The following DENND2B variants were observed in gnomAD, a reference collection of about 807,000 sequenced individuals.
DENND2B encodes DENN domain containing 2B, also known as DENN domain-containing protein 2B.
Under a neutral mutation model 116.0 loss-of-function variants are expected in DENND2B, and 32 were observed. The observed-to-expected ratio is 0.28, with a 90% CI of 0.21 to 0.37. The LOEUF (loss-of-function observed/expected upper bound fraction) is 0.37. Ranked by LOEUF, DENND2B falls within the 10% of genes least tolerant of loss-of-function variation. The pLI, the probability that DENND2B is intolerant of heterozygous loss-of-function variation, is 1.00. For synonymous variants in DENND2B, 588 were observed against 583.9 expected, an observed-to-expected ratio of 1.01 and a Z score of -0.10; for missense variants, 1,276 against 1,477.7, an observed-to-expected ratio of 0.86 and a Z score of 2.24.
At chr11:8,827,132 G>C (rs781298956) in intron 4 of DENND2B, among the ~76,000 whole-genome samples, 8 of 152,232 alleles carry the variant, frequency 5.3e-5, no homozygotes, top group African/African-American at 1.9e-4. Flanking sequence ...GAATTTGCAG[G>C]AAAGAAAGAA....
In DENND2B at chr11:8,712,665, C is replaced by T. The variant is rs1565681451; in HGVS notation, c.2058G>A (p.Leu686=). 6.2e-7 allele frequency: 1 copy of T among 1,606,702 alleles called. No homozygotes were observed. The highest frequency in any genetic ancestry group is 1.7e-4 in the Middle Eastern group (1 of 6,052). The change falls in exon 9 of 20, where the codon CTG becomes CTA. Residue 686 remains leucine (L), a synonymous_variant. Transcript: ENST00000313726. This position sits in a 1 kb window ranked among gnomAD's most constrained non-coding sequence, Gnocchi z 4.4. ...CCCGCTCCTGCCACTCCAGCAGCTC[C>T]AGCTCCAGCGTGCGATAGCTGGGGG... is the stretch of plus-strand genomic sequence containing the variant. ...KRAPSYRTLE[L]ELLEWQEREL...
chr11:8,847,065 C>G (rs1046798356), intron 3 of DENND2B, among the ~76,000 whole-genome samples: 2 of 152,198 alleles, frequency 1.3e-5, no homozygotes, highest in African/African-American at 4.8e-5. Context: ...ATTCTTGGGT[C>G]TTTCATAGTC....
At chr11:8,727,594 C>G (rs1298392417) in intron 3 of DENND2B, among the ~76,000 whole-genome samples, 1 of 152,214 alleles carries the variant, frequency 6.6e-6, no homozygotes, top group African/African-American at 2.4e-5. Flanking sequence ...TGGGCCATTG[C>G]CATATCTACC....
chr11:8,747,461 G>C (rs2051469710), intron 2 of DENND2B, among the ~76,000 whole-genome samples: 1 of 152,178 alleles, frequency 6.6e-6, no homozygotes, highest in African/African-American at 2.4e-5. Context: ...TATCTACACA[G>C]CTGAATTAGC....
intron 2 of DENND2B, among the ~76,000 whole-genome samples, chr11:8,740,195 TAAAAAA>T: frequency 9.4e-6 from 1 of 106,780 alleles, no homozygotes; most frequent in East Asian, 2.5e-4. Flanking sequence ...TCTCAAAAAT[TAAAAAA>T]AAAAAAAAAA....
At chr11:8,718,003 C>A in intron 4 of DENND2B, 111 bp from the exon 5 acceptor site, 1 of 1,276,384 alleles carries the variant, frequency 7.8e-7, no homozygotes, top group South Asian at 1.3e-5. Context: ...AGAATGGCTT[C>A]TGCCTGGCCC....
At chr11:8,856,240 A>G (rs1417044609) in intron 3 of DENND2B, among the ~76,000 whole-genome samples, 1 of 152,250 alleles carries the variant, frequency 6.6e-6, no homozygotes, top group African/African-American at 2.4e-5. Context: ...GTGCTCCTCA[A>G]TAAATATCCA....
At chr11:8,740,833 C>T (rs1018417854) in intron 2 of DENND2B, among the ~76,000 whole-genome samples, 1 of 152,216 alleles carries the variant, frequency 6.6e-6, no homozygotes, top group Non-Finnish European at 1.5e-5. Context: ...TCAGTGACTG[C>T]CCCAATTCTG....
intron 1 of DENND2B, among the ~76,000 whole-genome samples, chr11:8,777,080 T>G (rs182560289): frequency 2.6e-5 from 4 of 152,318 alleles, no homozygotes; most frequent in Admixed American, 2.6e-4. Context: ...ACCTTCTAAA[T>G]TATAAGAATA....
chr11:8,869,319 C>T (rs994587000), intron 2 of DENND2B, among the ~76,000 whole-genome samples: 2 of 152,220 alleles, frequency 1.3e-5, no homozygotes, highest in African/African-American at 4.8e-5. Flanking sequence ...CATACATACA[C>T]TTGAACAATT....
chr11:8,708,506 T>G (rs1015738533), intron 11 of DENND2B, among the ~76,000 whole-genome samples: 1 of 152,196 alleles, frequency 6.6e-6, no homozygotes, highest in Non-Finnish European at 1.5e-5. Context: ...TAAGGCCACC[T>G]ATCTAGAAGC....
At chr11:8,818,212 G>A (rs1240896109) in intron 4 of DENND2B, among the ~76,000 whole-genome samples, 4 of 144,472 alleles carry the variant, frequency 2.8e-5, no homozygotes, top group South Asian at 2.1e-4. Flanking sequence ...GCAGTGAGCT[G>A]AGATCACACC....
chr11:8,813,464 G>A (rs1406846299), upstream of DENND2B, among the ~76,000 whole-genome samples: 1 of 152,130 alleles, frequency 6.6e-6, no homozygotes, highest in African/African-American at 2.4e-5. Flanking sequence ...CCTCTTCCTT[G>A]TCCAAAAGGC....
At chr11:8,734,154 TTC>T (rs1270174843) in intron 2 of DENND2B, among the ~76,000 whole-genome samples, 16 of 152,204 alleles carry the variant, frequency 1.1e-4, no homozygotes, top group African/African-American at 3.9e-4. Flanking sequence ...GAGGGTAGAA[TTC>T]TCTGTTATCT....
intron 15 of DENND2B, 41 bp from the exon 16 acceptor site, chr11:8,699,015 G>C (rs1565623719): frequency 1.2e-6 from 2 of 1,610,298 alleles, no homozygotes; most frequent in Non-Finnish European, 1.7e-6. Flanking sequence ...CAGGGCATGA[G>C]TCCCGCAATG....
At chr11:8,751,364 G>T (rs2052440879) in intron 1 of DENND2B, among the ~76,000 whole-genome samples, 1 of 152,166 alleles carries the variant, frequency 6.6e-6, no homozygotes, top group Admixed American at 6.5e-5. Flanking sequence ...ATGTGGGTGG[G>T]GCCAGATAAG....
At chr11:8,868,948 C>T (rs546671650) in intron 2 of DENND2B, among the ~76,000 whole-genome samples, 3 of 152,352 alleles carry the variant, frequency 2.0e-5, no homozygotes, top group South Asian at 2.1e-4. Context: ...TGGCCCAACA[C>T]AAATTCGTAA....
intron 4 of DENND2B, among the ~76,000 whole-genome samples, chr11:8,832,307 C>G (rs1049264617): frequency 6.6e-6 from 1 of 152,146 alleles, no homozygotes; most frequent in Non-Finnish European, 1.5e-5. Context: ...CAAAAATTAG[C>G]TGGGCATGGT....
intron 2 of DENND2B, among the ~76,000 whole-genome samples, chr11:8,863,887 G>GATTCT (rs2063491177): frequency 6.6e-6 from 1 of 152,058 alleles, no homozygotes; most frequent in Non-Finnish European, 1.5e-5. Flanking sequence ...GGACCCAGTA[G>GATTCT]AAGAAGCCTT....
Sources: gnomAD v4.1 joint callset for allele counts (sites outside exome capture counted in the v4.1 genomes callset) on GRCh38, gnomAD v4.1.1 for gene constraint, Gnocchi (gnomAD v3.1) non-coding constraint, MANE v1.5 for transcripts, NCBI Gene and HGNC (gene_info 2026-07-23, HGNC 2026-07-21) for gene names.